The following FTO variants were observed in gnomAD, a reference collection of about 807,000 sequenced individuals.
FTO encodes alpha-ketoglutarate-dependent dioxygenase FTO.
Under a neutral mutation model 63.9 loss-of-function variants are expected in FTO, and 47 were observed. The ratio of observed to expected loss-of-function variants is 0.74; its 90% CI spans 0.58 to 0.94. The LOEUF (loss-of-function observed/expected upper bound fraction) is 0.94, where lower values mean the gene tolerates loss of function less well. Ranked by LOEUF, FTO falls within the 40% of genes least tolerant of loss-of-function variation. The pLI, the probability that FTO is intolerant of heterozygous loss-of-function variation, is 0.00. For missense variants in FTO, 562 were observed against 618.1 expected (o/e 0.91, Z 0.96); for synonymous variants, 207 against 224.4 (o/e 0.92, Z 0.69).
intron 8 of FTO, among the ~76,000 whole-genome samples, chr16:54,025,884 G>A (rs544446447): frequency 6.6e-6 from 1 of 152,248 alleles, no homozygotes; most frequent in South Asian, 2.1e-4. Flanking sequence ...ATGGGGGCGG[G>A]TGCCTGTAAT....
In FTO at chr16:54,117,213, A is replaced by T. The variant is rs774172238; in HGVS notation, c.*5298A>T. The T allele has an allele frequency of 6.6e-6, 1 of 152,126 alleles. No individual in the cohort carries two copies. Among genetic ancestry groups the T allele is most frequent in the Non-Finnish European group, 1.5e-5 (1 of 68,030 alleles). The allele number at this position is 152,126 out of a possible 1,614,324, so 9.4% of individuals were successfully genotyped here. A position where few individuals can be genotyped will look rare whatever the true frequency, so the allele number is the denominator to read the frequency against. ...CAAAATAGAATAGTAGTAATCCATCACCTAAGGTTGTTGTGAAGGTTCAAT... is the reference window on the plus strand; with the variant it reads ...CAAAATAGAATAGTAGTAATCCATCTCCTAAGGTTGTTGTGAAGGTTCAAT... On this transcript the variant is annotated 3_prime_UTR_variant, in exon 9 of 9. Coordinates refer to ENST00000471389, the MANE Select transcript of FTO (RefSeq NM_001080432.3).
rs774518012 is a variant in FTO, at chr16:53,873,881, A to G, written c.975+16A>G. On this transcript the variant is annotated intron_variant, in intron 5 of 8. Transcript: ENST00000471389. ...AGTGGCAGAGGTAAGTGTAAATAAA[A>G]ATGTGATTCACACCTAATTGGATGT... 6.3e-7 allele frequency: 1 copy of G among 1,586,370 alleles called. No homozygotes were observed. Among genetic ancestry groups the G allele is most frequent in the Non-Finnish European group, 8.7e-7 (1 of 1,155,446 alleles).
intron 8 of FTO, among the ~76,000 whole-genome samples, chr16:54,059,464 A>G (rs114609367): frequency 0.018 from 2,727 of 152,240 alleles, 82 homozygotes; most frequent in African/African-American, 0.059. Context: ...GTAATCTGCT[A>G]TGCCTTGCTG....
intron 8 of FTO, among the ~76,000 whole-genome samples, chr16:53,996,963 T>A (rs890047702): frequency 2.0e-5 from 3 of 151,652 alleles, no homozygotes; most frequent in African/African-American, 4.8e-5. Context: ...ACAAAAAAAA[T>A]TTAGCCTGGC....
chr16:53,997,473 A>G (rs1225383964), intron 8 of FTO, among the ~76,000 whole-genome samples: 2 of 151,812 alleles, frequency 1.3e-5, no homozygotes, highest in Non-Finnish European at 1.5e-5. Flanking sequence ...GGAACAGGAG[A>G]AATCAGGAAA....
At position 53,826,500 on chromosome 16, in the gene FTO, T is replaced by G. The variant is rs757875120; in HGVS notation, c.751+9T>G. On this transcript the variant is annotated intron_variant, in intron 3 of 8. Coordinates refer to ENST00000471389, the MANE Select transcript of FTO (RefSeq NM_001080432.3). Reference sequence around the variant, plus strand: ...CAGTTATAGCTGTGAAGGTACAGTCTGCTCTTGGAAAAAGCAGCCCTGTAT... The same window carrying G: ...CAGTTATAGCTGTGAAGGTACAGTCGGCTCTTGGAAAAAGCAGCCCTGTAT... The G allele has an allele frequency of 6.2e-7, 1 of 1,613,864 alleles. No individual in the cohort carries two copies. The highest frequency in any genetic ancestry group is 1.3e-5 in the African/African-American group (1 of 74,916).
chr16:53,780,004 C>T (rs1366300579), intron 1 of FTO, among the ~76,000 whole-genome samples: 1 of 152,210 alleles, frequency 6.6e-6, no homozygotes, highest in East Asian at 1.9e-4. Context: ...TCTTCTCCCT[C>T]TCATAATCCA....
chr16:53,966,059 G>A (rs902021309), intron 8 of FTO, among the ~76,000 whole-genome samples: 2 of 151,934 alleles, frequency 1.3e-5, no homozygotes. Flanking sequence ...GTAGAGATGG[G>A]GTTTCACCAT....
intron 8 of FTO, among the ~76,000 whole-genome samples, chr16:54,036,376 A>G (rs1170772286): frequency 1.1e-4 from 17 of 152,172 alleles, no homozygotes; most frequent in Non-Finnish European, 1.5e-5. Context: ...CCACCAAAAA[A>G]CCAATTCCCA....
intron 8 of FTO, among the ~76,000 whole-genome samples, chr16:53,982,794 G>A (rs777530607): frequency 2.0e-5 from 3 of 152,200 alleles, no homozygotes; most frequent in African/African-American, 7.2e-5. Context: ...AAAGCTTGCA[G>A]TGTTAAGATC....
chr16:53,968,800 C>CAG (rs2083252041), intron 8 of FTO, among the ~76,000 whole-genome samples: 1 of 152,124 alleles, frequency 6.6e-6, no homozygotes, highest in African/African-American at 2.4e-5. Flanking sequence ...GTGGCAGTGT[C>CAG]CTGGTGGGAT....
intron 8 of FTO, among the ~76,000 whole-genome samples, chr16:54,010,627 A>G (rs1195128210): frequency 2.6e-5 from 4 of 151,886 alleles, no homozygotes; most frequent in African/African-American, 9.7e-5. Context: ...GTTCCTCTCC[A>G]CCCTTCTCTA....
At chr16:54,074,941 T>TGA (rs2085957586) in intron 8 of FTO, among the ~76,000 whole-genome samples, 1 of 149,786 alleles carries the variant, frequency 6.7e-6, no homozygotes, top group Admixed American at 6.6e-5. Flanking sequence ...TGTGTGTGTG[T>TGA]GTGTGTGTGT....
intron 8 of FTO, among the ~76,000 whole-genome samples, chr16:54,001,590 G>A (rs901022885): frequency 3.3e-5 from 5 of 152,096 alleles, no homozygotes; most frequent in African/African-American, 1.2e-4. Context: ...CCATTTAAGT[G>A]GTTTGTGAGT....
intron 2 of FTO, among the ~76,000 whole-genome samples, chr16:53,820,280 AT>A (rs1487757370): frequency 2.0e-5 from 3 of 152,024 alleles, no homozygotes; most frequent in African/African-American, 7.2e-5. Context: ...AAGTGCTGGG[AT>A]TACAGGTGTA....
chr16:53,796,808 A>G lies in FTO; in HGVS notation c.46-13332A>G, dbSNP rs944292355. Reference sequence around the variant, plus strand: ...TTTTAAAGAGTTTTATTGGGGTATAATTGATATAGAATAAACTGCACATAT... The same window carrying G: ...TTTTAAAGAGTTTTATTGGGGTATAGTTGATATAGAATAAACTGCACATAT... On this transcript the variant is annotated intron_variant, in intron 1 of 8. Transcript: ENST00000471389. Among the ~76,000 whole-genome samples, 7 of 152,330 alleles carry G rather than the reference A, an allele frequency of 4.6e-5. No individual in the cohort carries two copies. The East Asian group carries it at 1.4e-3, about 29-fold the overall frequency.
intron 1 of FTO, among the ~76,000 whole-genome samples, chr16:53,748,719 C>T (rs1016309043): frequency 6.6e-6 from 1 of 151,616 alleles, no homozygotes; most frequent in Non-Finnish European, 1.5e-5. Flanking sequence ...GCTGGGATTA[C>T]AGGTGTGAGC....
intron 8 of FTO, among the ~76,000 whole-genome samples, chr16:54,096,487 T>C (rs1252400534): frequency 6.6e-6 from 1 of 152,236 alleles, no homozygotes; most frequent in Non-Finnish European, 1.5e-5. Flanking sequence ...GTTTATTATC[T>C]GTAACCTTGG....
intron 7 of FTO, among the ~76,000 whole-genome samples, chr16:53,907,971 G>C (rs1255229293): frequency 6.6e-6 from 1 of 152,216 alleles, no homozygotes; most frequent in Non-Finnish European, 1.5e-5. Flanking sequence ...ATGGCAGATA[G>C]AGTTTGAGAG....
Sources: allele counts gnomAD v4.1 joint callset (sites outside exome capture counted in the v4.1 genomes callset), GRCh38; gene constraint gnomAD v4.1.1; transcripts MANE v1.5; gene names NCBI Gene and HGNC (gene_info 2026-07-23, HGNC 2026-07-21).